The following ANGPT2 variants were observed in gnomAD, a reference collection of about 807,000 sequenced individuals.
The protein encoded by ANGPT2 is angiopoietin-2.
A neutral mutation model predicts 62.9 loss-of-function variants in ANGPT2; 28 were observed. The observed-to-expected ratio is 0.44, with a 90% confidence interval of 0.33 to 0.61. The LOEUF (loss-of-function observed/expected upper bound fraction) is 0.61. Ranked by LOEUF, ANGPT2 falls within the 20% of genes least tolerant of loss-of-function variation. The pLI, the probability that ANGPT2 is intolerant of heterozygous loss-of-function variation, is 0.03. For missense variants in ANGPT2, 727 were observed against 594.9 expected (o/e 1.22, Z -2.31); for synonymous variants, 284 against 207.8 (o/e 1.37, Z -3.15).
intron 8 of ANGPT2, among the ~76,000 whole-genome samples, chr8:6,504,267 G>A (rs1039609850): frequency 7.2e-5 from 10 of 138,172 alleles, no homozygotes; most frequent in East Asian, 2.1e-4. Context: ...GCAGTGAGCC[G>A]AGATCGCGCC....
At chr8:6,539,481 T>G (rs538623331) in intron 1 of ANGPT2, among the ~76,000 whole-genome samples, 3 of 152,342 alleles carry the variant, frequency 2.0e-5, no homozygotes, top group African/African-American at 7.2e-5. Flanking sequence ...ACACTTGCCT[T>G]CACCTGCCCT....
At chr8:6,552,521 G>C (rs968506795) in intron 1 of ANGPT2, among the ~76,000 whole-genome samples, 2 of 152,152 alleles carry the variant, frequency 1.3e-5, no homozygotes, top group Non-Finnish European at 2.9e-5. Flanking sequence ...AACCCGATTA[G>C]GGTGACTGGA....
chr8:6,542,753 G>A (rs924087550), intron 1 of ANGPT2, among the ~76,000 whole-genome samples: 3 of 152,242 alleles, frequency 2.0e-5, no homozygotes, highest in African/African-American at 7.2e-5. Context: ...AATACTGGGT[G>A]GAGCTCTGTG....
At chr8:6,562,359 G>T (rs188523256) in intron 1 of ANGPT2, among the ~76,000 whole-genome samples, 1 of 152,184 alleles carries the variant, frequency 6.6e-6, no homozygotes. Context: ...GTGCAGGGAA[G>T]TATATTTCCT....
intron 1 of ANGPT2, among the ~76,000 whole-genome samples, chr8:6,538,939 G>C (rs1296635538): frequency 2.0e-5 from 3 of 152,192 alleles, no homozygotes; most frequent in Non-Finnish European, 4.4e-5. Flanking sequence ...TTGGTTCCCT[G>C]TCATGAGGAA....
Position 6,503,091 on chromosome 8 carries a change from A to T in ANGPT2, c.*10T>A. 1 of 1,614,104 alleles carries T rather than the reference A, an allele frequency of 6.2e-7. No homozygotes were observed. The highest frequency in any genetic ancestry group is 8.5e-7 in the Non-Finnish European group (1 of 1,179,990). On this transcript the variant is annotated 3_prime_UTR_variant, in exon 9 of 9. Coordinates refer to ENST00000629816, the MANE Select transcript of ANGPT2 (RefSeq NM_001118887.2). The stretch of plus-strand genomic sequence containing the variant: ...TAGTTCGAGACAGTTCCTCAGGTGG[A>T]CTGGGATGTTTAGAAATCTGCTGGT...
Position 6,562,835 on chromosome 8 carries a change from A to G in ANGPT2, c.100T>C (p.Tyr34His), listed in dbSNP as rs775901783. ...CTGCAGGACCCATGCTGGACCTGAT[A>G]TTGCTTCTTTCCTATGCTGTCCATG... is the stretch of plus-strand genomic sequence containing the variant. Reference protein sequence around the residue: ...KSMDSIGKKQYQVQHGSCSYT... With the variant: ...KSMDSIGKKQHQVQHGSCSYT... The change falls in exon 1 of 9, where the codon TAT becomes CAT. Residue 34 changes from tyrosine to histidine, a missense_variant. Coordinates refer to ENST00000629816, the MANE Select transcript of ANGPT2 (RefSeq NM_001118887.2). 12 of 1,613,600 alleles carry G rather than the reference A, an allele frequency of 7.4e-6. No individual in the cohort carries two copies. The highest frequency in any genetic ancestry group is 6.7e-5 in the East Asian group (3 of 44,846).
At position 6,551,373 on chromosome 8, in the gene ANGPT2, C is replaced by T. The variant is rs370815740; in HGVS notation, c.288+11274G>A. Among the ~76,000 whole-genome samples the T allele has an allele frequency of 6.0e-5, 9 of 150,126 alleles. No homozygotes were observed. In the East Asian group the frequency reaches 1.7e-3, roughly 29 times the overall value. On this transcript the variant is annotated intron_variant, in intron 1 of 8. Coordinates refer to ENST00000629816, the MANE Select transcript of ANGPT2 (RefSeq NM_001118887.2). ...CAACGCCTTCATGGCACGGGACAGG[C>T]CAATTATGTAACTGTAAACAAATTA... is the stretch of plus-strand genomic sequence containing the variant.
intron 1 of ANGPT2, among the ~76,000 whole-genome samples, chr8:6,532,932 T>C (rs866204176): frequency 2.0e-5 from 3 of 152,308 alleles, no homozygotes; most frequent in African/African-American, 7.2e-5. Flanking sequence ...ACTTTTGGTT[T>C]CTCCACATAG....
intron 1 of ANGPT2, among the ~76,000 whole-genome samples, chr8:6,540,681 T>C (rs1282931215): frequency 6.6e-6 from 1 of 152,274 alleles, no homozygotes; most frequent in Non-Finnish European, 1.5e-5. Context: ...TGTATGTGTG[T>C]GTACCTCTGT....
intron 7 of ANGPT2, 120 bp from the exon 8 acceptor site, chr8:6,509,182 T>A: frequency 1.6e-6 from 2 of 1,267,232 alleles, no homozygotes; most frequent in Non-Finnish European, 2.2e-6. Context: ...GTTAATGGAC[T>A]AATGCATACT....
At chr8:6,560,368 A>G (rs973647798) in intron 1 of ANGPT2, among the ~76,000 whole-genome samples, 3 of 152,184 alleles carry the variant, frequency 2.0e-5, no homozygotes, top group Non-Finnish European at 4.4e-5. Flanking sequence ...ATTCCATTTT[A>G]TATTATTTTC....
In ANGPT2 at chr8:6,521,281, T is replaced by C. The variant is rs1253401820; in HGVS notation, c.696A>G (p.Lys232=). ...KQNSIIEELE[K]KIVTATVNNS... is the part of the protein sequence containing the mutation. The stretch of plus-strand genomic sequence containing the variant: ...TATTCACCGTGGCAGTCACTATTTT[T>C]TTTTCTAGTTCTTCAATGATGGAAT... The change falls in exon 4 of 9, where the codon AAA becomes AAG. Residue 232 remains lysine (K), a synonymous_variant. Transcript: ENST00000629816. 6.2e-7 allele frequency: 1 copy of C among 1,613,954 alleles called. No homozygotes were observed. Among genetic ancestry groups the C allele is most frequent in the Non-Finnish European group, 8.5e-7 (1 of 1,179,948 alleles).
At chr8:6,514,237 TG>T (rs1346805474) in intron 6 of ANGPT2, among the ~76,000 whole-genome samples, 26 of 152,214 alleles carry the variant, frequency 1.7e-4, no homozygotes. Context: ...TTGCCCAGGC[TG>T]GAGTGCAGTG....
intron 1 of ANGPT2, among the ~76,000 whole-genome samples, chr8:6,540,989 G>T (rs995283897): frequency 6.6e-6 from 1 of 152,120 alleles, no homozygotes; most frequent in Non-Finnish European, 1.5e-5. Flanking sequence ...GGAGCCTAGT[G>T]GGCATTCATG....
chr8:6,563,053 A>C lies in ANGPT2; in HGVS notation c.-119T>G. On this transcript the variant is annotated 5_prime_UTR_variant, in exon 1 of 9. Transcript: ENST00000629816. ...TACGCTGCCATGGCTGGGTCCGTCA[A>C]TGAAAGTCTTCTCTTTCCTCTTTTT... 8.9e-7 allele frequency: 1 copy of C among 1,122,644 alleles called. No homozygotes were observed. Among genetic ancestry groups the C allele is most frequent in the Non-Finnish European group, 1.2e-6 (1 of 808,650 alleles). The allele number at this position is 1,122,644 out of a possible 1,614,324, so 69.5% of individuals were successfully genotyped here.
rs367679884 is a variant in ANGPT2, at chr8:6,504,164, A to G, written c.1328-903T>C. The stretch of plus-strand genomic sequence containing the variant: ...AAACCCCGTCTCTACTAAAAATACA[A>G]AAAATTAGCCGGGCGTGGTGGCGGA... On this transcript the variant is annotated intron_variant, in intron 8 of 8. Transcript: ENST00000629816. Among the ~76,000 whole-genome samples the G allele has an allele frequency of 3.7e-3, 565 of 151,950 alleles. 4 individuals carry two copies. The highest frequency in any genetic ancestry group is 0.013 in the African/African-American group (525 of 41,452).
At chr8:6,520,101 T>A in intron 4 of ANGPT2, 110 bp from the exon 5 acceptor site, 1 of 1,284,278 alleles carries the variant, frequency 7.8e-7, no homozygotes, top group Non-Finnish European at 1.1e-6. Flanking sequence ...AATTCTTAAG[T>A]AAGCAAAAGG....
In ANGPT2 at chr8:6,511,279, G is replaced by A. The variant is rs117976249; in HGVS notation, c.1197-2217C>T. 1.0e-3 allele frequency among the ~76,000 whole-genome samples: 140 copies of A among 138,704 alleles called. No homozygotes were observed. In the East Asian group the frequency reaches 0.027, roughly 27 times the overall value. The allele number at this position is 138,704 out of a possible 152,430, so 91.0% of individuals were successfully genotyped here. The stretch of plus-strand genomic sequence containing the variant: ...ACGTTCTTGAAGTTGCTTTACATTG[G>A]TATGGGTTGATTTTTTTTTTTCAAT... On this transcript the variant is annotated intron_variant, in intron 7 of 8. Coordinates refer to ENST00000629816, the MANE Select transcript of ANGPT2 (RefSeq NM_001118887.2).
Sources: gnomAD v4.1 joint callset for allele counts (sites outside exome capture counted in the v4.1 genomes callset) on GRCh38, gnomAD v4.1.1 for gene constraint, MANE v1.5 for transcripts, NCBI Gene and HGNC (gene_info 2026-07-23, HGNC 2026-07-21) for gene names.